SPTLC3: variants seen among roughly 807,000 people sequenced by gnomAD.
SPTLC3 encodes the protein serine palmitoyltransferase 3.
Under a neutral mutation model 59.3 loss-of-function variants are expected in SPTLC3, and 36 were observed. The ratio of observed to expected loss-of-function variants is 0.61; its 90% CI spans 0.47 to 0.80. The LOEUF is 0.80. Ranked by LOEUF, SPTLC3 falls within the 30% of genes least tolerant of loss-of-function variation. The probability of loss-of-function intolerance (pLI) is 0.00; values close to 1 mark genes in which losing one functional copy is unlikely to be tolerated. For missense variants in SPTLC3, 625 were observed against 685.1 expected, an observed-to-expected ratio of 0.91 and a Z score of 0.98; for synonymous variants, 257 against 240.8, an observed-to-expected ratio of 1.07 and a Z score of -0.62.
intron 1 of SPTLC3, among the ~76,000 whole-genome samples, chr20:13,024,375 G>C (rs1053316237): frequency 1.3e-5 from 2 of 148,600 alleles, no homozygotes; most frequent in Non-Finnish European, 3.0e-5. Flanking sequence ...TTAGCATTTT[G>C]CTATACGTTT....
intron 1 of SPTLC3, among the ~76,000 whole-genome samples, chr20:13,011,410 G>A (rs1600199025): frequency 6.6e-6 from 1 of 152,240 alleles, no homozygotes; most frequent in East Asian, 1.9e-4. Context: ...GATCCTACCA[G>A]CCCCTCCAAT....
At chr20:13,162,183 T>C (rs2038907523) in intron 11 of SPTLC3, among the ~76,000 whole-genome samples, 3 of 152,196 alleles carry the variant, frequency 2.0e-5, no homozygotes, top group South Asian at 2.1e-4. Context: ...GGCTTGAGCA[T>C]GTTTACACAT....
At chr20:13,107,620 T>G (rs1162636470) in intron 6 of SPTLC3, among the ~76,000 whole-genome samples, 1 of 152,120 alleles carries the variant, frequency 6.6e-6, no homozygotes, top group Non-Finnish European at 1.5e-5. Flanking sequence ...AAAAGGAAAG[T>G]GGCATGAAAT....
At chr20:13,119,519 G>T (rs116079862) in intron 8 of SPTLC3, among the ~76,000 whole-genome samples, 1,530 of 152,184 alleles carry the variant, frequency 0.01, 29 homozygotes, top group African/African-American at 0.032. Context: ...TACATTAATC[G>T]GGATGCAGAA....
chr20:13,111,148 C>T (rs543466139), intron 7 of SPTLC3, among the ~76,000 whole-genome samples: 48 of 152,252 alleles, frequency 3.2e-4, no homozygotes, highest in African/African-American at 1.2e-3. Context: ...ACATTTTTAA[C>T]TCCAGTACTT....
chr20:13,044,995 CCACA>C (rs5840546), intron 1 of SPTLC3, among the ~76,000 whole-genome samples: 12,948 of 141,322 alleles, frequency 0.092, 615 homozygotes, highest in African/African-American at 0.12. Context: ...TGTGTCCCCA[CCACA>C]CACACACACA....
At chr20:13,146,366 AC>A (rs1484093583) in intron 9 of SPTLC3, among the ~76,000 whole-genome samples, 1 of 151,792 alleles carries the variant, frequency 6.6e-6, no homozygotes, top group Non-Finnish European at 1.5e-5. Context: ...TGTACAACAA[AC>A]CCCCACGACA....
At chr20:13,118,344 C>T (rs1479095789) in intron 8 of SPTLC3, among the ~76,000 whole-genome samples, 1 of 147,748 alleles carries the variant, frequency 6.8e-6, no homozygotes, top group African/African-American at 2.5e-5. Flanking sequence ...TGCCATTCTC[C>T]AATATCTTAT....
chr20:13,056,756 T>A (rs538119078), intron 2 of SPTLC3, among the ~76,000 whole-genome samples: 3 of 150,682 alleles, frequency 2.0e-5, no homozygotes, highest in Non-Finnish European at 4.4e-5. Flanking sequence ...TTTTTTTTTT[T>A]TTTAAGAGAG....
chr20:13,068,992 G>A (rs1988337116), intron 2 of SPTLC3, among the ~76,000 whole-genome samples: 1 of 152,138 alleles, frequency 6.6e-6, no homozygotes, highest in African/African-American at 2.4e-5. Flanking sequence ...GAGGCAGAGA[G>A]GTTAGACAGG....
chr20:13,147,183 C>T (rs1392129827), intron 9 of SPTLC3, among the ~76,000 whole-genome samples: 1 of 152,098 alleles, frequency 6.6e-6, no homozygotes, highest in East Asian at 1.9e-4. Context: ...CTGGAGAGCC[C>T]TTGGAACATG....
intron 9 of SPTLC3, among the ~76,000 whole-genome samples, chr20:13,143,008 A>T (rs938494305): frequency 2.6e-5 from 4 of 152,204 alleles, no homozygotes; most frequent in African/African-American, 7.2e-5. Context: ...TTACTGGTGA[A>T]CATCTCTGAA....
intron 2 of SPTLC3, among the ~76,000 whole-genome samples, chr20:13,062,819 C>T (rs370512391): frequency 2.0e-5 from 3 of 152,070 alleles, no homozygotes; most frequent in South Asian, 2.1e-4. Context: ...AATAGCTGCA[C>T]GATATTCCAT....
In SPTLC3 at chr20:13,074,348, G is replaced by A; in HGVS notation, c.459-1G>A. The stretch of plus-strand genomic sequence containing the variant: ...GTGCTCATTTACATGTTTCCCCACA[G>A]GTTTACTGGAAGAGTCATCAAAGAT... On this transcript the variant is annotated splice_acceptor_variant, in intron 3 of 11. Coordinates refer to ENST00000399002, the MANE Select transcript of SPTLC3 (RefSeq NM_018327.4). LOFTEE classifies it high-confidence loss of function. 1 of 1,613,678 alleles carries A rather than the reference G, an allele frequency of 6.2e-7. No individual in the cohort carries two copies. The highest frequency in any genetic ancestry group is 8.5e-7 in the Non-Finnish European group (1 of 1,179,778).
chr20:13,116,853 A>G (rs1990586147), intron 7 of SPTLC3, among the ~76,000 whole-genome samples: 1 of 152,196 alleles, frequency 6.6e-6, no homozygotes, highest in Admixed American at 6.5e-5. Context: ...GTAGGAGTCT[A>G]GCAATCTGTG....
intron 9 of SPTLC3, among the ~76,000 whole-genome samples, chr20:13,153,626 G>A (rs1357148774): frequency 6.6e-6 from 1 of 152,102 alleles, no homozygotes; most frequent in Non-Finnish European, 1.5e-5. Flanking sequence ...GAAGTGTGGG[G>A]GGTGGGGGAA....
At chr20:13,087,608 C>T (rs765146301) in intron 4 of SPTLC3, among the ~76,000 whole-genome samples, 1 of 152,188 alleles carries the variant, frequency 6.6e-6, no homozygotes, top group Non-Finnish European at 1.5e-5. Context: ...CAAGTACCTA[C>T]TATGTGTCGG....
chr20:13,047,802 AT>A (rs1451402904), intron 1 of SPTLC3, among the ~76,000 whole-genome samples: 6 of 152,122 alleles, frequency 3.9e-5, no homozygotes, highest in Admixed American at 3.3e-4. Context: ...GTAGAAAAAA[AT>A]AATATCATGA....
chr20:13,147,075 T>C (rs141488680), intron 9 of SPTLC3, among the ~76,000 whole-genome samples: 383 of 152,258 alleles, frequency 2.5e-3, no homozygotes, highest in African/African-American at 8.6e-3. Context: ...GGCAGGGTGT[T>C]TTCCCAGAGC....
Sources: gnomAD v4.1 joint callset for allele counts (sites outside exome capture counted in the v4.1 genomes callset) on GRCh38, gnomAD v4.1.1 for gene constraint, MANE v1.5 for transcripts, NCBI Gene and HGNC (gene_info 2026-07-23, HGNC 2026-07-21) for gene names.